The following PDE9A variants were observed in gnomAD, a reference collection of about 807,000 sequenced individuals.
PDE9A encodes phosphodiesterase 9A, also known as high affinity cGMP-specific 3',5'-cyclic phosphodiesterase 9A.
A neutral mutation model predicts 87.4 loss-of-function variants in PDE9A; 60 were observed. That is an observed-to-expected ratio of 0.69 (90% CI 0.56 to 0.85). The LOEUF (loss-of-function observed/expected upper bound fraction) is 0.85, where lower values mean the gene tolerates loss of function less well. Among genes scored for constraint, PDE9A ranks in the 40% least tolerant of loss-of-function variants. The probability of loss-of-function intolerance (pLI) is 0.00; values close to 1 mark genes in which losing one functional copy is unlikely to be tolerated. For missense variants in PDE9A, 665 were observed against 779.0 expected, an observed-to-expected ratio of 0.85 and a Z score of 1.74; for synonymous variants, 272 against 279.4, an observed-to-expected ratio of 0.97 and a Z score of 0.27.
chr21:42,666,309 G>A (rs894677238), intron 1 of PDE9A, among the ~76,000 whole-genome samples: 4 of 152,192 alleles, frequency 2.6e-5, no homozygotes, highest in African/African-American at 9.7e-5. Context: ...GGCAGGGCTG[G>A]CACCAAAGCA....
Position 42,739,699 on chromosome 21 carries a change from G to T in PDE9A, c.569-4077G>T, listed in dbSNP as rs915029002. Among the ~76,000 whole-genome samples the T allele has an allele frequency of 6.6e-6, 1 of 151,952 alleles. No homozygotes were observed. The highest frequency in any genetic ancestry group is 2.4e-5 in the African/African-American group (1 of 41,368). The stretch of plus-strand genomic sequence containing the variant: ...AATTTTAACATCACCTCAATAGGTA[G>T]CCAGGGAAGCGGATCTCGGTGGACT... On this transcript the variant is annotated intron_variant, in intron 7 of 19. Coordinates refer to ENST00000291539, the MANE Select transcript of PDE9A (RefSeq NM_002606.3). This position sits in a 1 kb window ranked among gnomAD's most constrained non-coding sequence, Gnocchi z 4.1.
At chr21:42,668,534 C>G (rs1326634610) in intron 1 of PDE9A, among the ~76,000 whole-genome samples, 1 of 152,220 alleles carries the variant, frequency 6.6e-6, no homozygotes, top group African/African-American at 2.4e-5. Context: ...AGAGCTCCAT[C>G]TCAGCACACT....
At chr21:42,774,138 TATA>T (rs757827957) in intron 19 of PDE9A, among the ~76,000 whole-genome samples, 45 of 151,916 alleles carry the variant, frequency 3.0e-4, no homozygotes, top group Non-Finnish European at 5.4e-4. Flanking sequence ...CTCAAAAAAA[TATA>T]AATAAATAAA....
At chr21:42,686,310 C>G (rs201148413) in intron 2 of PDE9A, 48 bp downstream of exon 2, 2 of 1,509,868 alleles carry the variant, frequency 1.3e-6, no homozygotes, top group Non-Finnish European at 1.8e-6. Context: ...GCGGCCTCCT[C>G]GCCTTTTCGG....
At chr21:42,654,594 G>A (rs1336897186) in intron 1 of PDE9A, among the ~76,000 whole-genome samples, 1 of 152,174 alleles carries the variant, frequency 6.6e-6, no homozygotes, top group Non-Finnish European at 1.5e-5. Flanking sequence ...AAAAGCCATT[G>A]TGAGGAAATC....
intron 3 of PDE9A, 125 bp from the exon 4 acceptor site, chr21:42,698,843 A>T (rs2060283248): frequency 3.5e-6 from 2 of 571,816 alleles, no homozygotes; most frequent in Non-Finnish European, 6.3e-6. Context: ...TTTAAAAAAT[A>T]AAAATAAATA....
At chr21:42,750,966 A>G in intron 8 of PDE9A, 150 bp from the exon 9 acceptor site, 1 of 673,720 alleles carries the variant, frequency 1.5e-6, no homozygotes, top group African/African-American at 1.8e-5. Context: ...TTTTGCTTCG[A>G]GTGAGTTGCT....
intron 2 of PDE9A, among the ~76,000 whole-genome samples, chr21:42,686,880 G>A (rs1381690538): frequency 6.6e-6 from 1 of 152,108 alleles, no homozygotes; most frequent in Non-Finnish European, 1.5e-5. Flanking sequence ...CACTTTTGGA[G>A]AAAGCGGGGT....
At chr21:42,673,634 A>T (rs945515279) in intron 1 of PDE9A, among the ~76,000 whole-genome samples, 2 of 152,238 alleles carry the variant, frequency 1.3e-5, no homozygotes, top group Non-Finnish European at 2.9e-5. Flanking sequence ...AATTAATGGG[A>T]ACAAGAGGGT....
chr21:42,653,981 A>G, intron 1 of PDE9A, 98 bp downstream of exon 1: 1 of 469,130 alleles, frequency 2.1e-6, no homozygotes, highest in Non-Finnish European at 3.6e-6. Flanking sequence ...CTGCCGGTCC[A>G]GGCTGCGGCC....
chr21:42,729,881 A>C (rs1331171481), intron 4 of PDE9A, among the ~76,000 whole-genome samples: 1 of 152,170 alleles, frequency 6.6e-6, no homozygotes, highest in Non-Finnish European at 1.5e-5. Flanking sequence ...GTATAGCCTC[A>C]GTTCCTTTAG....
chr21:42,681,628 A>G (rs8131429), intron 1 of PDE9A, among the ~76,000 whole-genome samples: 21,432 of 151,902 alleles, frequency 0.14, 1,551 homozygotes, highest in Middle Eastern at 0.19. Flanking sequence ...CCAGTGGGGG[A>G]GCCGCCCTCT....
chr21:42,770,755 A>G lies in PDE9A; in HGVS notation c.1643A>G (p.Asp548Gly). ...IMLQPLWESR[D>G]RYEELKRIDD... ...CTGCAGCCACTTTGGGAATCCCGAG[A>G]TCGCTACGAGGAGCTGAAGCGGATA... is the stretch of plus-strand genomic sequence containing the variant. Residue 548 changes from aspartate to glycine, a missense_variant, in exon 18 of 20, where the codon GAT becomes GGT. Transcript: ENST00000291539. 6.2e-7 allele frequency: 1 copy of G among 1,614,118 alleles called. No individual in the cohort carries two copies. Among genetic ancestry groups the G allele is most frequent in the Non-Finnish European group, 8.5e-7 (1 of 1,179,968 alleles).
At chr21:42,765,019 ATGGG>A (rs749125801) in intron 14 of PDE9A, among the ~76,000 whole-genome samples, 2 of 41,124 alleles carry the variant, frequency 4.9e-5, no homozygotes, top group Admixed American at 1.9e-4. Flanking sequence ...GGATGGATGG[ATGGG>A]TGGATGGGTG....
intron 14 of PDE9A, among the ~76,000 whole-genome samples, chr21:42,763,678 G>T (rs2056060986): frequency 6.6e-6 from 1 of 152,200 alleles, no homozygotes; most frequent in Admixed American, 6.5e-5. Context: ...GTCTTCTGCG[G>T]TTCCACAAGG....
At chr21:42,769,312 T>G (rs1487409451) in intron 17 of PDE9A, among the ~76,000 whole-genome samples, 157 bp downstream of exon 17, 2 of 140,248 alleles carry the variant, frequency 1.4e-5, no homozygotes, top group African/African-American at 2.7e-5. Context: ...TACAGGCACA[T>G]ACACATATAC....
At chr21:42,753,887 GA>G (rs2054710239) in intron 9 of PDE9A, 102 bp from the exon 10 acceptor site, 1 of 563,520 alleles carries the variant, frequency 1.8e-6, no homozygotes. Context: ...AAGAAAGAAA[GA>G]AAAAGAAAGA....
intron 10 of PDE9A, chr21:42,758,247 G>A (rs925179851): frequency 6.6e-6 from 1 of 152,238 alleles, no homozygotes; most frequent in Non-Finnish European, 1.5e-5. Context: ...TAGCTCCAAA[G>A]CACTGAGCTG....
intron 4 of PDE9A, among the ~76,000 whole-genome samples, chr21:42,714,617 G>A (rs530352098): frequency 5.3e-5 from 8 of 150,002 alleles, no homozygotes; most frequent in African/African-American, 1.9e-4. Context: ...ACCAGTCTTT[G>A]TTGATATGGT....
Sources: gnomAD v4.1 joint callset for allele counts (sites outside exome capture counted in the v4.1 genomes callset) on GRCh38, gnomAD v4.1.1 for gene constraint, Gnocchi (gnomAD v3.1) non-coding constraint, MANE v1.5 for transcripts, NCBI Gene and HGNC (gene_info 2026-07-23, HGNC 2026-07-21) for gene names.